FAM204A: variants seen among roughly 807,000 people sequenced by gnomAD.
The protein encoded by FAM204A is family with sequence similarity 204 member A, also known as protein FAM204A.
FAM204A carries 16 observed loss-of-function variants against 35.4 expected under a neutral mutation model. The observed-to-expected ratio is 0.45, with a 90% confidence interval of 0.31 to 0.69. FAM204A has a LOEUF of 0.69. Ranked by LOEUF, FAM204A falls within the 30% of genes least tolerant of loss-of-function variation. FAM204A has a pLI of 0.07. For missense variants in FAM204A, 240 were observed against 265.7 expected (o/e 0.90, Z 0.67); for synonymous variants, 76 against 86.9 (o/e 0.88, Z 0.70).
At chr10:118,314,578 C>A (rs1249976121) in intron 7 of FAM204A, among the ~76,000 whole-genome samples, 1 of 152,072 alleles carries the variant, frequency 6.6e-6, no homozygotes. Flanking sequence ...GTATTACAAA[C>A]AAATAAAATA....
rs1218182416 is a variant in FAM204A at position 118,304,026 on chromosome 10, A to G, written c.*6831T>C. 1 of 152,132 alleles carries G rather than the reference A, an allele frequency of 6.6e-6. No individual in the cohort carries two copies. The highest frequency in any genetic ancestry group is 1.5e-5 in the Non-Finnish European group (1 of 68,026). 9.4% of individuals were successfully genotyped at this position (152,132 alleles called of 1,614,324 possible). A position where few individuals can be genotyped will look rare whatever the true frequency, so the allele number is the denominator to read the frequency against. On this transcript the variant is annotated 3_prime_UTR_variant, in exon 9 of 9. Transcript: ENST00000369183. ...CTGTTTCTAGGAAATCCAACCTAAG[A>G]TTGCAATTGCACCATCTATTGCAAT... is the stretch of plus-strand genomic sequence containing the variant.
Position 118,301,546 on chromosome 10 carries a change from T to C in FAM204A, c.*9311A>G, listed in dbSNP as rs1199387306. On this transcript the variant is annotated 3_prime_UTR_variant, in exon 9 of 9. Transcript: ENST00000369183. ...TTCTTTGCTCTAGAGTGAGACACTA[T>C]CTCAATCTTCCAAGGATGTTATATA... 1.3e-5 allele frequency: 2 copies of C among 152,156 alleles called. No individual in the cohort carries two copies. The highest frequency in any genetic ancestry group is 4.8e-5 in the African/African-American group (2 of 41,410). The allele number at this position is 152,156 out of a possible 1,614,324, so 9.4% of individuals were successfully genotyped here. A position where few individuals can be genotyped will look rare whatever the true frequency, so the allele number is the denominator to read the frequency against.
At chr10:118,320,978 T>A (rs1159970016) in intron 7 of FAM204A, among the ~76,000 whole-genome samples, 1 of 149,368 alleles carries the variant, frequency 6.7e-6, no homozygotes, top group Non-Finnish European at 1.5e-5. Flanking sequence ...TTTTTCTCAA[T>A]ACTGATGCTG....
intron 2 of FAM204A, among the ~76,000 whole-genome samples, chr10:118,340,509 C>T (rs1257470803): frequency 6.6e-6 from 1 of 152,178 alleles, no homozygotes; most frequent in Non-Finnish European, 1.5e-5. Context: ...CCCAGAGTCA[C>T]CTCACTCCTG....
At chr10:118,325,642 T>G (rs1183803043) in intron 7 of FAM204A, among the ~76,000 whole-genome samples, 1 of 152,138 alleles carries the variant, frequency 6.6e-6, no homozygotes, top group Non-Finnish European at 1.5e-5. Flanking sequence ...TGTGGCCTTC[T>G]GTACTTGGCA....
rs1845835597 is a variant in FAM204A, at chr10:118,303,960, T to C, written c.*6897A>G. On this transcript the variant is annotated 3_prime_UTR_variant, in exon 9 of 9. Coordinates refer to ENST00000369183, the MANE Select transcript of FAM204A (RefSeq NM_022063.3). Reference sequence around the variant, plus strand: ...CCTCCCTTACAAATGTTTCCTGAAGTGCATACTTTTACAAATCACCTCCAC... The same window carrying C: ...CCTCCCTTACAAATGTTTCCTGAAGCGCATACTTTTACAAATCACCTCCAC... 1 of 152,236 alleles carries C rather than the reference T, an allele frequency of 6.6e-6. No homozygotes were observed. The highest frequency in any genetic ancestry group is 2.1e-4 in the South Asian group (1 of 4,828). The allele number at this position is 152,236 out of a possible 1,614,324, so 9.4% of individuals were successfully genotyped here. A position where few individuals can be genotyped will look rare whatever the true frequency, so the allele number is the denominator to read the frequency against.
rs746415589 is a variant in FAM204A, at chr10:118,298,592, T to C, written c.*12265A>G. On this transcript the variant is annotated 3_prime_UTR_variant, in exon 9 of 9. Coordinates refer to ENST00000369183, the MANE Select transcript of FAM204A (RefSeq NM_022063.3). ...TTTTACCACCTCTGACATCCACTCT[T>C]TGCCGATAGAGAAACTTGCTTCAGG... The C allele has an allele frequency of 6.6e-6, 1 of 152,228 alleles. No homozygotes were observed. Among genetic ancestry groups the C allele is most frequent in the Non-Finnish European group, 1.5e-5 (1 of 68,060 alleles). The allele number at this position is 152,228 out of a possible 1,614,324, so 9.4% of individuals were successfully genotyped here. A position where few individuals can be genotyped will look rare whatever the true frequency, so the allele number is the denominator to read the frequency against.
At chr10:118,338,634 A>G (rs1846424445) in intron 2 of FAM204A, among the ~76,000 whole-genome samples, 3 of 152,258 alleles carry the variant, frequency 2.0e-5, no homozygotes, top group South Asian at 2.1e-4. Flanking sequence ...ACGAAATGAC[A>G]GCTATACACA....
At chr10:118,336,835 T>A (rs1296316101) in intron 2 of FAM204A, among the ~76,000 whole-genome samples, 1 of 152,154 alleles carries the variant, frequency 6.6e-6, no homozygotes, top group East Asian at 1.9e-4. Flanking sequence ...CTATACCAAT[T>A]AGAGAATAAA....
At chr10:118,319,868 A>C (rs533493698) in intron 7 of FAM204A, among the ~76,000 whole-genome samples, 1 of 152,078 alleles carries the variant, frequency 6.6e-6, no homozygotes, top group East Asian at 1.9e-4. Flanking sequence ...GTTTTCAAGG[A>C]GTCAGGTTTA....
rs1845845301 is a variant in FAM204A, at chr10:118,304,870, A to G, written c.*5987T>C. The G allele has an allele frequency of 6.6e-6, 1 of 152,234 alleles. No individual in the cohort carries two copies. The highest frequency in any genetic ancestry group is 1.5e-5 in the Non-Finnish European group (1 of 68,022). 9.4% of individuals were successfully genotyped at this position (152,234 alleles called of 1,614,324 possible). ...AACATCAGCAAAATGTAAAGTTACT[A>G]CATCGTATGTGATTGAGGCAATGTG... On this transcript the variant is annotated 3_prime_UTR_variant, in exon 9 of 9. Transcript: ENST00000369183.
rs1845825256 is a variant in FAM204A, at chr10:118,303,036, C to G, written c.*7821G>C. 1 of 152,204 alleles carries G rather than the reference C, an allele frequency of 6.6e-6. No individual in the cohort carries two copies. The highest frequency in any genetic ancestry group is 2.4e-5 in the African/African-American group (1 of 41,454). 9.4% of individuals were successfully genotyped at this position (152,204 alleles called of 1,614,324 possible). A position where few individuals can be genotyped will look rare whatever the true frequency, so the allele number is the denominator to read the frequency against. On this transcript the variant is annotated 3_prime_UTR_variant, in exon 9 of 9. Coordinates refer to ENST00000369183, the MANE Select transcript of FAM204A (RefSeq NM_022063.3). The stretch of plus-strand genomic sequence containing the variant: ...AGGGCATGGATCCCACTTCAAGAAC[C>G]ACTGGAATGGGGTAGGGAAGAGGCA...
intron 6 of FAM204A, among the ~76,000 whole-genome samples, chr10:118,329,534 C>A (rs533436800): frequency 6.6e-6 from 1 of 152,234 alleles, no homozygotes; most frequent in East Asian, 1.9e-4. Flanking sequence ...TCTCTATCTA[C>A]GCAGAGCTCC....
chr10:118,316,090 C>CA (rs1280565158), intron 7 of FAM204A, among the ~76,000 whole-genome samples: 24 of 151,952 alleles, frequency 1.6e-4, no homozygotes, highest in African/African-American at 5.3e-4. Context: ...AAATGCCTTC[C>CA]AAAAAACAAG....
Position 118,310,488 on chromosome 10 carries a change from CAAA to C in FAM204A, c.*366_*368del, listed in dbSNP as rs778043354. 5.9e-3 allele frequency: 479 copies of C among 80,716 alleles called. No homozygotes were observed. The highest frequency in any genetic ancestry group is 0.023 in the Middle Eastern group (4 of 174). The allele number at this position is 80,716 out of a possible 1,614,324, so 5.0% of individuals were successfully genotyped here. On this transcript the variant is annotated 3_prime_UTR_variant, in exon 9 of 9. Coordinates refer to ENST00000369183, the MANE Select transcript of FAM204A (RefSeq NM_022063.3). ...TGACAGAGCAAGCGAGGCTCTGTCT[CAAA>C]AAAAAAAAAAAAAAGAAAGAAAGTA...
chr10:118,322,233 TC>T (rs1384483970), intron 7 of FAM204A: 5 of 410,638 alleles, frequency 1.2e-5, no homozygotes, highest in Non-Finnish European at 2.5e-5. Context: ...ATCTCCTAAC[TC>T]CCCACAAGAC....
At chr10:118,335,852 T>C (rs947211588) in intron 3 of FAM204A, among the ~76,000 whole-genome samples, 1 of 152,180 alleles carries the variant, frequency 6.6e-6, no homozygotes, top group Non-Finnish European at 1.5e-5. Context: ...TTTGATAATT[T>C]GAGAGTGAAG....
At chr10:118,338,997 G>C (rs1360504190) in intron 2 of FAM204A, among the ~76,000 whole-genome samples, 1 of 151,992 alleles carries the variant, frequency 6.6e-6, no homozygotes, top group African/African-American at 2.4e-5. Flanking sequence ...GCATCTGCCT[G>C]GTATGATAAT....
At chr10:118,327,334 G>T (rs577212466) in intron 6 of FAM204A, among the ~76,000 whole-genome samples, 4 of 152,156 alleles carry the variant, frequency 2.6e-5, no homozygotes, top group African/African-American at 7.2e-5. Flanking sequence ...GCCTAAAAAG[G>T]TTACAGAAAT....
Sources: gnomAD v4.1 joint callset for allele counts (sites outside exome capture counted in the v4.1 genomes callset) on GRCh38, gnomAD v4.1.1 for gene constraint, MANE v1.5 for transcripts, NCBI Gene and HGNC (gene_info 2026-07-23, HGNC 2026-07-21) for gene names.